Variants in KLF5 observed in about 807,000 individuals in gnomAD.
KLF5 encodes the protein Krueppel-like factor 5.
Under a neutral mutation model 36.9 loss-of-function variants are expected in KLF5, and 9 were observed. The observed-to-expected ratio is 0.24, with a 90% confidence interval of 0.15 to 0.43. The LOEUF (loss-of-function observed/expected upper bound fraction) is 0.43, where lower values mean the gene tolerates loss of function less well. KLF5 is among the 20% of genes least tolerant of loss of function. The pLI is 1.00. For missense variants in KLF5, 524 were observed against 599.5 expected (o/e 0.87, Z 1.31); for synonymous variants, 246 against 241.7 (o/e 1.02, Z -0.17).
At chr13:73,058,576 T>G (rs916312629), upstream of KLF5, among the ~76,000 whole-genome samples, 1 of 152,246 alleles carries the variant, frequency 6.6e-6, no homozygotes. Context: ...CCTAGCTGCC[T>G]TCTGGGTTTC....
At position 73,062,216 on chromosome 13, in the gene KLF5, T is replaced by G. The variant is rs1214637604; in HGVS notation, c.617T>G (p.Ile206Ser). Residue 206 changes from isoleucine to serine, a missense_variant, in exon 2 of 4, where the codon ATT becomes AGT. Around this residue, in one of 4 missense-constraint regions of KLF5, gnomAD observed 454 missense variants for 458.1 expected, o/e 0.99. Coordinates refer to ENST00000377687, the MANE Select transcript of KLF5 (RefSeq NM_001730.5). ...HQTAAPEVNN[I>S]FIKQELPTPD... ...ACCGCAGCTCCAGAGGTGAACAATA[T>G]TTTCATCAAACAAGAACTTCCTACA... 4 of 1,614,100 alleles carry G rather than the reference T, an allele frequency of 2.5e-6. No individual in the cohort carries two copies. The South Asian group carries it at 4.4e-5, about 18-fold the overall frequency.
At chr13:73,062,782 TGTGTGTGTCTGTGTGCGCGCGC>T (rs775916494) in intron 2 of KLF5, 48 bp downstream of exon 2, 7 of 1,534,316 alleles carry the variant, frequency 4.6e-6, no homozygotes, top group Middle Eastern at 1.7e-4. Flanking sequence ...AGTGTGTGTG[TGTGTGTGTCTGTGTGCGCGCGC>T]GTGTGCGTGT....
At position 73,075,973 on chromosome 13, in the gene KLF5, A is replaced by C. The variant is rs1272909442; in HGVS notation, c.*87A>C. 1.0e-5 allele frequency: 11 copies of C among 1,073,454 alleles called. No homozygotes were observed. Among genetic ancestry groups the C allele is most frequent in the Non-Finnish European group, 1.4e-5 (11 of 793,054 alleles). The allele number at this position is 1,073,454 out of a possible 1,614,324, so 66.5% of individuals were successfully genotyped here. On this transcript the variant is annotated 3_prime_UTR_variant, in exon 4 of 4. Coordinates refer to ENST00000377687, the MANE Select transcript of KLF5 (RefSeq NM_001730.5). Reference sequence around the variant, plus strand: ...TCCTGTGTAAAAACAACAAAAACAAACAAAAGCAAGAAAACCACAACTAAA... The same window carrying C: ...TCCTGTGTAAAAACAACAAAAACAACCAAAAGCAAGAAAACCACAACTAAA...
At chr13:73,068,043 G>A (rs1279935955) in intron 3 of KLF5, among the ~76,000 whole-genome samples, 1 of 151,680 alleles carries the variant, frequency 6.6e-6, no homozygotes, top group East Asian at 1.9e-4. Flanking sequence ...GTTTCACCAT[G>A]TTGGCCAGGC....
chr13:73,061,439 A>G (rs537139818), intron 1 of KLF5, among the ~76,000 whole-genome samples: 1 of 152,204 alleles, frequency 6.6e-6, no homozygotes, highest in Non-Finnish European at 1.5e-5. Context: ...ACGCTTTTTA[A>G]TGTTTGTGAC....
intron 3 of KLF5, among the ~76,000 whole-genome samples, chr13:73,069,699 C>A (rs1351156511): frequency 6.6e-6 from 1 of 152,066 alleles, no homozygotes; most frequent in East Asian, 1.9e-4. Context: ...CTTGTTCTTT[C>A]TTCTGAGAAA....
intron 2 of KLF5, among the ~76,000 whole-genome samples, chr13:73,063,605 G>A (rs1173678870): frequency 1.3e-5 from 2 of 152,046 alleles, no homozygotes; most frequent in African/African-American, 4.8e-5. Flanking sequence ...TTGATTATCT[G>A]TATTCTTTCC....
chr13:73,062,469 T>A lies in KLF5; in HGVS notation c.870T>A (p.Ser290Arg), dbSNP rs762473554. 1 of 1,614,126 alleles carries A rather than the reference T, an allele frequency of 6.2e-7. No individual in the cohort carries two copies. The highest frequency in any genetic ancestry group is 8.5e-7 in the Non-Finnish European group (1 of 1,180,014). The change falls in exon 2 of 4, where the codon AGT (serine) becomes AGA (arginine). Residue 290 changes from serine to arginine, a missense_variant. Ser to Arg is a moderately radical substitution (Grantham distance 110). This residue lies in a region of KLF5 where 454 missense variants were observed against 458.1 expected (regional missense o/e 0.99). Transcript: ENST00000377687. The part of the protein sequence containing the change: ...GMPPCTYTMP[S>R]QFLPQQATYF... ...CCCCTTGCACATACACAATGCCAAGTCAGTTTCTTCCACAACAGGCCACTT... is the reference window on the plus strand; with the variant it reads ...CCCCTTGCACATACACAATGCCAAGACAGTTTCTTCCACAACAGGCCACTT...
rs769484570 is a variant in KLF5 at position 73,075,704 on chromosome 13, A to G, written c.1196-4A>G. ...CGCTTTACCTCCTTTGTTCGTTGTCACAGGTGAAAAGCCATACAAGTGTAC... is the reference window on the plus strand; with the variant it reads ...CGCTTTACCTCCTTTGTTCGTTGTCGCAGGTGAAAAGCCATACAAGTGTAC... On this transcript the variant is annotated splice_region_variant and splice_polypyrimidine_tract_variant and intron_variant, in intron 3 of 3. Coordinates refer to ENST00000377687, the MANE Select transcript of KLF5 (RefSeq NM_001730.5). 4 of 1,576,896 alleles carry G rather than the reference A, an allele frequency of 2.5e-6. No homozygotes were observed. The highest frequency in any genetic ancestry group is 1.7e-5 in the Admixed American group (1 of 59,348).
intron 3 of KLF5, 85 bp downstream of exon 3, chr13:73,063,968 C>A: frequency 2.7e-5 from 18 of 664,150 alleles, no homozygotes; most frequent in Non-Finnish European, 3.6e-5. Context: ...CGTGTTTGAT[C>A]TCTTCTCCTG....
At chr13:73,065,218 G>A (rs1317451853) in intron 3 of KLF5, among the ~76,000 whole-genome samples, 1 of 152,192 alleles carries the variant, frequency 6.6e-6, no homozygotes, top group Non-Finnish European at 1.5e-5. Flanking sequence ...TGGAAATTGA[G>A]TTTTGATAAA....
At chr13:73,061,009 GC>G (rs2044630912) in intron 1 of KLF5, among the ~76,000 whole-genome samples, 2 of 152,102 alleles carry the variant, frequency 1.3e-5, no homozygotes, top group African/African-American at 4.8e-5. Context: ...TGTAGCATTG[GC>G]CCACTGAGAA....
chr13:73,060,023 A>T (rs1052876003), intron 1 of KLF5, among the ~76,000 whole-genome samples: 3 of 151,620 alleles, frequency 2.0e-5, no homozygotes, highest in Non-Finnish European at 4.4e-5. Context: ...TAGAAACGCA[A>T]ATTGGGGTGC....
intron 3 of KLF5, among the ~76,000 whole-genome samples, chr13:73,070,007 G>GT (rs2044711244): frequency 6.6e-6 from 1 of 152,154 alleles, no homozygotes; most frequent in African/African-American, 2.4e-5. Context: ...GGCCTACATC[G>GT]TTTCTAGTGA....
chr13:73,056,637 A>G (rs1397431520), upstream of KLF5, among the ~76,000 whole-genome samples: 1 of 152,252 alleles, frequency 6.6e-6, no homozygotes, highest in African/African-American at 2.4e-5. Context: ...TCACATGGCA[A>G]ATGTCTCCGA....
intron 1 of KLF5, 178 bp downstream of exon 1, chr13:73,059,766 A>T: frequency 4.3e-6 from 2 of 460,162 alleles, no homozygotes; most frequent in African/African-American, 2.9e-5. Context: ...CGTTTCGCTG[A>T]GAGTAAATGG....
intron 3 of KLF5, among the ~76,000 whole-genome samples, chr13:73,065,607 CTT>C (rs1297085309): frequency 6.6e-6 from 1 of 152,138 alleles, no homozygotes; most frequent in Non-Finnish European, 1.5e-5. Flanking sequence ...AAAACTCCAA[CTT>C]AAAGTTTTCA....
Position 73,062,559 on chromosome 13 carries a change from G to A in KLF5, c.960G>A (p.Gln320=). 3.7e-6 allele frequency: 6 copies of A among 1,614,168 alleles called. No homozygotes were observed. Among genetic ancestry groups the A allele is most frequent in the Non-Finnish European group, 4.2e-6 (5 of 1,180,040 alleles). The change falls in exon 2 of 4, where the codon CAG becomes CAA. Residue 320 remains glutamine, a synonymous_variant. Coordinates refer to ENST00000377687, the MANE Select transcript of KLF5 (RefSeq NM_001730.5). ...CAGATAGACAAGCAGAGATGCTCCA[G>A]AATTTAACCCCACCTCCATCCTATG... ...GSPDRQAEML[Q]NLTPPPSYAA...
intron 2 of KLF5, 93 bp from the exon 3 acceptor site, chr13:73,063,731 T>A: frequency 1.1e-6 from 1 of 898,498 alleles, no homozygotes; most frequent in Non-Finnish European, 1.8e-6. Flanking sequence ...ATGAGAGATT[T>A]CTTCTTTAAA....
Sources: allele counts gnomAD v4.1 joint callset (sites outside exome capture counted in the v4.1 genomes callset), GRCh38; gene constraint gnomAD v4.1.1; regional missense constraint gnomAD v4.1.1; transcripts MANE v1.5; gene names NCBI Gene and HGNC (gene_info 2026-07-23, HGNC 2026-07-21).